Variants in OSBPL6 observed in about 807,000 individuals in gnomAD.
OSBPL6 encodes oxysterol binding protein like 6.
A neutral mutation model predicts 125.8 loss-of-function variants in OSBPL6; 49 were observed. The observed-to-expected ratio is 0.39, with a 90% CI of 0.31 to 0.49. OSBPL6 has a LOEUF of 0.49. OSBPL6 is among the 20% of genes least tolerant of loss of function. OSBPL6 has a pLI of 0.88. For synonymous variants in OSBPL6, 394 were observed against 391.8 expected, an observed-to-expected ratio of 1.01 and a Z score of -0.07; for missense variants, 986 against 1,135.4, an observed-to-expected ratio of 0.87 and a Z score of 1.89.
In OSBPL6 at chr2:178,388,415, CT is replaced by C. The variant is rs900636994; in HGVS notation, c.2157-592del. Among the ~76,000 whole-genome samples, 8 of 152,166 alleles carry C rather than the reference CT, an allele frequency of 5.3e-5. No homozygotes were observed. The East Asian group carries it at 1.5e-3, about 29-fold the overall frequency. ...TTGCCTGCAGGGTAAATCTAGACTC[CT>C]TGGTACGTCCCTGCAGGCCTTCCCG... On this transcript the variant is annotated intron_variant, in intron 20 of 24. Transcript: ENST00000190611.
Position 178,219,132 on chromosome 2 carries a change from A to C in OSBPL6, c.-351+24458A>C, listed in dbSNP as rs188946173. Among the ~76,000 whole-genome samples, 27 of 152,330 alleles carry C rather than the reference A, an allele frequency of 1.8e-4. 1 individual carries two copies. In the East Asian group the frequency reaches 5.2e-3, roughly 29 times the overall value. On this transcript the variant is annotated intron_variant, in intron 1 of 24. Coordinates refer to ENST00000190611, the MANE Select transcript of OSBPL6 (RefSeq NM_032523.4). ...GTCCAATTTGCCTTTATTCAAGAGC[A>C]AGACCAACATAAAATAGACTGTTAG... is the stretch of plus-strand genomic sequence containing the variant.
At chr2:178,265,518 CT>C (rs1428449572) in intron 1 of OSBPL6, among the ~76,000 whole-genome samples, 1 of 152,026 alleles carries the variant, frequency 6.6e-6, no homozygotes, top group Non-Finnish European at 1.5e-5. Context: ...CAGCTGGATG[CT>C]TTAATTTATT....
intron 1 of OSBPL6, among the ~76,000 whole-genome samples, chr2:178,225,345 A>G (rs1318499044): frequency 6.6e-6 from 1 of 152,228 alleles, no homozygotes; most frequent in Non-Finnish European, 1.5e-5. Context: ...TGCAGATCTC[A>G]GACTGAGTAT....
At chr2:178,265,233 A>T (rs1328163252) in intron 1 of OSBPL6, among the ~76,000 whole-genome samples, 4 of 63,504 alleles carry the variant, frequency 6.3e-5, no homozygotes, top group East Asian at 9.4e-4. Context: ...TTTTTTTAAG[A>T]TAGCATCTTG....
At chr2:178,279,995 C>G (rs941856755) in intron 1 of OSBPL6, among the ~76,000 whole-genome samples, 2 of 152,066 alleles carry the variant, frequency 1.3e-5, no homozygotes, top group Non-Finnish European at 2.9e-5. Context: ...GTCAAGAGAT[C>G]TAGACAATCC....
At chr2:178,342,806 G>A (rs1362534121) in intron 11 of OSBPL6, among the ~76,000 whole-genome samples, 1 of 152,076 alleles carries the variant, frequency 6.6e-6, no homozygotes. Flanking sequence ...CTAGATCCCT[G>A]GATGTTGAAG....
intron 1 of OSBPL6, among the ~76,000 whole-genome samples, chr2:178,209,521 AC>A (rs2089735772): frequency 7.0e-6 from 1 of 143,516 alleles, no homozygotes; most frequent in African/African-American, 2.6e-5. Flanking sequence ...GAGGTTATTG[AC>A]ATTTTCTGCT....
At chr2:178,393,424 T>A (rs1332796404) in intron 23 of OSBPL6, among the ~76,000 whole-genome samples, 1 of 152,218 alleles carries the variant, frequency 6.6e-6, no homozygotes, top group Non-Finnish European at 1.5e-5. Context: ...TTCATTTTAC[T>A]TTTCCCAAAA....
At chr2:178,266,307 T>C (rs1037165557) in intron 1 of OSBPL6, among the ~76,000 whole-genome samples, 3 of 152,160 alleles carry the variant, frequency 2.0e-5, no homozygotes, top group African/African-American at 7.2e-5. Context: ...GTTCAGCTGT[T>C]TATTGACCTA....
chr2:178,196,954 CACTG>C (rs946868534), intron 1 of OSBPL6, among the ~76,000 whole-genome samples: 54 of 151,994 alleles, frequency 3.6e-4, no homozygotes, highest in African/African-American at 1.3e-3. Flanking sequence ...AGTTGTAGTT[CACTG>C]ACTTTCACTG....
At chr2:178,214,410 G>A (rs1487431748) in intron 1 of OSBPL6, among the ~76,000 whole-genome samples, 1 of 152,146 alleles carries the variant, frequency 6.6e-6, no homozygotes, top group Non-Finnish European at 1.5e-5. Context: ...AAGATTTATT[G>A]CACACATTGG....
chr2:178,207,040 GT>G (rs1347611741), intron 1 of OSBPL6, among the ~76,000 whole-genome samples: 5 of 152,108 alleles, frequency 3.3e-5, no homozygotes, highest in African/African-American at 4.8e-5. Context: ...AAGTGCTGGG[GT>G]TTTTGTTTGT....
chr2:178,331,595 C>T lies in OSBPL6; in HGVS notation c.362C>T (p.Ala121Val), dbSNP rs759124084. ...LDNGMLKYSK[A>V]PLDIQKGKVH... ...AATGGAATGTTAAAGTATTCAAAGG[C>T]ACCACTCGATGTAAGTAGCACACAG... Residue 121 changes from alanine (A) to valine (V), a missense_variant, in exon 6 of 25, where the codon GCA (alanine) becomes GTA (valine). Coordinates refer to ENST00000190611, the MANE Select transcript of OSBPL6 (RefSeq NM_032523.4). The T allele has an allele frequency of 5.6e-6, 9 of 1,613,906 alleles. No individual in the cohort carries two copies. The Admixed American group carries it at 1.0e-4, about 18-fold the overall frequency.
chr2:178,258,871 C>G (rs2091968972), intron 1 of OSBPL6, among the ~76,000 whole-genome samples: 1 of 151,894 alleles, frequency 6.6e-6, no homozygotes, highest in Non-Finnish European at 1.5e-5. Flanking sequence ...AGATTCAAGT[C>G]TGTAAACGTC....
intron 2 of OSBPL6, among the ~76,000 whole-genome samples, chr2:178,287,713 C>T (rs1254539512): frequency 6.6e-6 from 1 of 151,504 alleles, no homozygotes; most frequent in East Asian, 1.9e-4. Flanking sequence ...CTACCCCCCA[C>T]AAAAAAATAA....
intron 16 of OSBPL6, chr2:178,382,735 C>G: frequency 6.9e-7 from 1 of 1,440,770 alleles, no homozygotes; most frequent in Non-Finnish European, 9.1e-7. Context: ...TTTCTCAAAC[C>G]AACAGCTTGA....
At chr2:178,358,698 T>A (rs1692049054) in intron 12 of OSBPL6, among the ~76,000 whole-genome samples, 1 of 152,142 alleles carries the variant, frequency 6.6e-6, no homozygotes. Context: ...GGCAATGGAT[T>A]TCTTAGATAT....
chr2:178,206,883 G>A (rs1423636961), intron 1 of OSBPL6, among the ~76,000 whole-genome samples: 5 of 152,090 alleles, frequency 3.3e-5, no homozygotes, highest in African/African-American at 1.2e-4. Context: ...CCAAAGTGCT[G>A]GGATTACAGA....
chr2:178,366,458 A>G (rs1276174204), intron 13 of OSBPL6, among the ~76,000 whole-genome samples: 1 of 152,172 alleles, frequency 6.6e-6, no homozygotes, highest in Non-Finnish European at 1.5e-5. Flanking sequence ...GAATCACTGT[A>G]TTTTATTAAA....
Sources: gnomAD v4.1 joint callset for allele counts (sites outside exome capture counted in the v4.1 genomes callset) on GRCh38, gnomAD v4.1.1 for gene constraint, MANE v1.5 for transcripts, NCBI Gene and HGNC (gene_info 2026-07-23, HGNC 2026-07-21) for gene names.